Variants in IL1RAPL2 observed in about 807,000 individuals in gnomAD.
IL1RAPL2 encodes the protein interleukin 1 receptor accessory protein like 2, also known as X-linked interleukin-1 receptor accessory protein-like 2.
IL1RAPL2 carries 3 observed loss-of-function variants against 44.1 expected under a neutral mutation model. The observed-to-expected ratio is 0.07, with a 90% CI of 0.03 to 0.18. The LOEUF is 0.18. IL1RAPL2 is among the 10% of genes least tolerant of loss of function. IL1RAPL2 has a pLI of 1.00. For synonymous variants in IL1RAPL2, 181 were observed against 178.8 expected, an observed-to-expected ratio of 1.01 and a Z score of -0.10; for missense variants, 391 against 496.4, an observed-to-expected ratio of 0.79 and a Z score of 2.02.
chrX:104,880,205 A>T (rs1359037059), intron 2 of IL1RAPL2, among the ~76,000 whole-genome samples: 3 of 111,371 alleles, frequency 2.7e-5, no homozygotes, highest in Non-Finnish European at 5.7e-5. Flanking sequence ...ATGAAGGAAA[A>T]ATCTTAGAAT....
chrX:104,867,525 G>C (rs1922652533), intron 2 of IL1RAPL2, among the ~76,000 whole-genome samples: 1 of 111,813 alleles, frequency 8.9e-6, no homozygotes, highest in Non-Finnish European at 1.9e-5. Context: ...GGATGCTGAT[G>C]ACTGTAACAA....
At chrX:104,797,024 G>A (rs1424252746) in intron 2 of IL1RAPL2, among the ~76,000 whole-genome samples, 4 of 110,470 alleles carry the variant, frequency 3.6e-5, no homozygotes, top group Non-Finnish European at 7.6e-5. Flanking sequence ...CGCCCGCCTC[G>A]GCCTCCCAAA....
At chrX:104,987,823 C>T (rs758836938) in intron 2 of IL1RAPL2, among the ~76,000 whole-genome samples, 51 of 111,593 alleles carry the variant, frequency 4.6e-4, no homozygotes, top group African/African-American at 1.6e-3. Flanking sequence ...CTCAGTGAAT[C>T]ATTCATCATC....
At chrX:105,753,226 G>T (rs958890475) in intron 9 of IL1RAPL2, among the ~76,000 whole-genome samples, 1 of 111,233 alleles carries the variant, frequency 9.0e-6, no homozygotes, top group African/African-American at 3.3e-5. Flanking sequence ...AGAAGGTCTG[G>T]TCAGATGGGT....
At chrX:104,752,713 G>T (rs1419055914) in intron 2 of IL1RAPL2, among the ~76,000 whole-genome samples, 1 of 110,655 alleles carries the variant, frequency 9.0e-6, no homozygotes, top group East Asian at 2.9e-4. Flanking sequence ...CCTCAAAGCA[G>T]GTGTGGGTGC....
intron 6 of IL1RAPL2, among the ~76,000 whole-genome samples, chrX:105,515,242 GT>G (rs1187407202): frequency 9.0e-6 from 1 of 111,615 alleles, no homozygotes; most frequent in Admixed American, 9.5e-5. Context: ...TCATACTACA[GT>G]TCTTAATCAT....
chrX:104,772,689 TAA>T (rs1392177698), intron 2 of IL1RAPL2, among the ~76,000 whole-genome samples: 1 of 111,803 alleles, frequency 8.9e-6, no homozygotes, highest in African/African-American at 3.3e-5. Flanking sequence ...TTAAATTGTC[TAA>T]AGTCATATAA....
chrX:104,946,188 A>C (rs1452900258), intron 2 of IL1RAPL2, among the ~76,000 whole-genome samples: 1 of 102,085 alleles, frequency 9.8e-6, no homozygotes, highest in Non-Finnish European at 2.0e-5. Context: ...CTGGCTAACA[A>C]GGTGAAACCC....
intron 2 of IL1RAPL2, among the ~76,000 whole-genome samples, chrX:104,944,304 C>G (rs1031071444): frequency 1.8e-5 from 2 of 111,728 alleles, no homozygotes; most frequent in African/African-American, 6.5e-5. Context: ...AGAGTAAAAT[C>G]AAGGACATTT....
chrX:105,740,683 G>T lies in IL1RAPL2; in HGVS notation c.1040G>T (p.Arg347Leu), dbSNP rs751827217. Residue 347 changes from arginine to leucine, a missense_variant, in exon 8 of 11, where the codon CGT (arginine) becomes CTT (leucine). By Grantham distance (102) the Arg-to-Leu change is moderately radical. This residue lies in a region of IL1RAPL2 where 232 missense variants were observed against 244.8 expected (regional missense o/e 0.95). Transcript: ENST00000372582. ...NGRKHASVLL[R>L]KKDLIYKIEL... is the part of the protein sequence containing the mutation. ...CGGAAACATGCCAGTGTTTTGCTGC[G>T]TAAAAAGGGTATTTATTTTTATAAC... 4.2e-6 allele frequency: 5 copies of T among 1,201,799 alleles called. No individual in the cohort carries two copies. The highest frequency in any genetic ancestry group is 2.2e-5 in the Admixed American group (1 of 45,283).
At chrX:105,408,645 T>C (rs2035668134) in intron 5 of IL1RAPL2, among the ~76,000 whole-genome samples, 1 of 111,878 alleles carries the variant, frequency 8.9e-6, no homozygotes, top group South Asian at 3.7e-4. Flanking sequence ...AGAAGTATTG[T>C]ATTGAGAGAT....
At chrX:105,408,870 A>G (rs1000269500) in intron 5 of IL1RAPL2, among the ~76,000 whole-genome samples, 1 of 16,714 alleles carries the variant, frequency 6.0e-5, no homozygotes. Flanking sequence ...TAAATGATAT[A>G]AAGTGTTGAA....
At chrX:105,223,010 C>T (rs1453380188) in intron 3 of IL1RAPL2, among the ~76,000 whole-genome samples, 2 of 110,339 alleles carry the variant, frequency 1.8e-5, no homozygotes, top group Admixed American at 9.6e-5. Flanking sequence ...ATTAGCTGGG[C>T]GTAATGGCGC....
intron 6 of IL1RAPL2, among the ~76,000 whole-genome samples, chrX:105,489,413 G>A (rs1199770837): frequency 2.7e-5 from 3 of 110,976 alleles, no homozygotes; most frequent in Admixed American, 1.9e-4. Flanking sequence ...TTAAAATATT[G>A]TAAGGACATG....
chrX:105,147,072 A>G (rs1327922047), intron 2 of IL1RAPL2, among the ~76,000 whole-genome samples: 1 of 111,071 alleles, frequency 9.0e-6, no homozygotes, highest in Admixed American at 9.6e-5. Context: ...CAAAGAAGGG[A>G]TGTCAGGGTT....
intron 2 of IL1RAPL2, among the ~76,000 whole-genome samples, chrX:104,921,987 G>C (rs371680072): frequency 2.1e-4 from 24 of 111,978 alleles, no homozygotes; most frequent in African/African-American, 7.5e-4. Flanking sequence ...GAGAGGCGCC[G>C]CCACCCCCCA....
intron 6 of IL1RAPL2, among the ~76,000 whole-genome samples, chrX:105,600,337 A>G (rs1053815840): frequency 9.1e-6 from 1 of 110,476 alleles, no homozygotes; most frequent in Non-Finnish European, 1.9e-5. Context: ...GCTGAATTTT[A>G]TAGGATATGA....
intron 6 of IL1RAPL2, among the ~76,000 whole-genome samples, chrX:105,546,701 G>A (rs1185925066): frequency 9.0e-6 from 1 of 111,224 alleles, no homozygotes; most frequent in Admixed American, 9.6e-5. Context: ...AAAAAGAGGA[G>A]AAACATGCCC....
intron 2 of IL1RAPL2, among the ~76,000 whole-genome samples, chrX:104,826,938 C>CTTTTT (rs1176113214): frequency 1.8e-3 from 64 of 34,861 alleles, no homozygotes; most frequent in Non-Finnish European, 2.3e-3. Flanking sequence ...GCAACCCCTG[C>CTTTTT]TTTTTTTTTT....
Sources: allele counts gnomAD v4.1 joint callset (sites outside exome capture counted in the v4.1 genomes callset), GRCh38; gene constraint gnomAD v4.1.1; regional missense constraint gnomAD v4.1.1; transcripts MANE v1.5; gene names NCBI Gene and HGNC (gene_info 2026-07-23, HGNC 2026-07-21).